ANO3: variants seen among roughly 807,000 people sequenced by gnomAD.
ANO3 encodes the protein anoctamin-3.
In ANO3, 99 loss-of-function variants were observed where a neutral mutation model predicts 144.8. That is an observed-to-expected ratio of 0.68 (90% confidence interval 0.58 to 0.81). The LOEUF (loss-of-function observed/expected upper bound fraction) is 0.81. ANO3 is among the 30% of genes least tolerant of loss of function. The pLI is 0.00. For synonymous variants in ANO3, 414 were observed against 392.6 expected (o/e 1.05, Z -0.64); for missense variants, 905 against 1,202.2 (o/e 0.75, Z 3.66).
intron 1 of ANO3, among the ~76,000 whole-genome samples, chr11:26,284,783 G>A (rs1853763680): frequency 6.6e-6 from 1 of 152,054 alleles, no homozygotes; most frequent in African/African-American, 2.4e-5. Flanking sequence ...GCGGGCGCCT[G>A]TAGTCCCAGC....
At chr11:26,431,084 C>A (rs1436138662) in intron 1 of ANO3, among the ~76,000 whole-genome samples, 1 of 152,176 alleles carries the variant, frequency 6.6e-6, no homozygotes, top group Non-Finnish European at 1.5e-5. Flanking sequence ...ATTGAATGAG[C>A]ACTTGAAATG....
intron 4 of ANO3, among the ~76,000 whole-genome samples, chr11:26,482,483 A>G (rs1860262665): frequency 6.7e-6 from 1 of 149,512 alleles, no homozygotes; most frequent in Admixed American, 6.7e-5. Context: ...TATCTTTAAA[A>G]AGTCCTACTT....
rs145292299 is a variant in ANO3, at chr11:26,533,513, G to A, written c.870-943G>A. Among the ~76,000 whole-genome samples the A allele has an allele frequency of 7.6e-4, 115 of 152,174 alleles. 2 individuals carry two copies. The East Asian group carries it at 0.02, about 26-fold the overall frequency. ...AAGAGTAGGTTGGAATGCGAGTACC[G>A]AGAGCCTTGGAGGAAAATAAGAAAT... On this transcript the variant is annotated intron_variant, in intron 8 of 26. Transcript: ENST00000256737.
chr11:26,611,220 G>T (rs73434387), intron 17 of ANO3, among the ~76,000 whole-genome samples: 4,174 of 151,866 alleles, frequency 0.027, 192 homozygotes, highest in African/African-American at 0.095. Context: ...AGGTTATTGG[G>T]AATCTTTGTT....
intron 1 of ANO3, among the ~76,000 whole-genome samples, chr11:26,334,982 G>T (rs958131652): frequency 6.6e-6 from 1 of 152,110 alleles, no homozygotes; most frequent in Non-Finnish European, 1.5e-5. Context: ...TTATATATGA[G>T]AACTATGTAT....
chr11:26,561,308 A>T (rs1162028883), intron 14 of ANO3: 1 of 967,256 alleles, frequency 1.0e-6, no homozygotes, highest in Admixed American at 3.6e-5. Flanking sequence ...TATAGGAATT[A>T]TTCTAGATGA....
At chr11:26,609,508 G>C (rs1403048293) in intron 17 of ANO3, among the ~76,000 whole-genome samples, 2 of 151,496 alleles carry the variant, frequency 1.3e-5, no homozygotes, top group South Asian at 4.2e-4. Context: ...TATCCTGCAG[G>C]TGCAGGATAT....
rs530740479 is a variant in ANO3, at chr11:26,292,999, C to T, written c.155-16646C>T. On this transcript the variant is annotated intron_variant, in intron 1 of 27. Transcript: ENST00000672621. ...CAGAAATCACCCATCTTCTGCGTCA[C>T]TCATGTTGGGAACTGTAGACTGGAG... Among the ~76,000 whole-genome samples the T allele has an allele frequency of 1.4e-3, 217 of 152,306 alleles. 1 individual carries two copies. Among genetic ancestry groups the T allele is most frequent in the African/African-American group, 5.0e-3 (207 of 41,566 alleles).
At chr11:26,564,270 G>A (rs993101849) in intron 14 of ANO3, among the ~76,000 whole-genome samples, 11 of 151,534 alleles carry the variant, frequency 7.3e-5, no homozygotes, top group East Asian at 3.9e-4. Flanking sequence ...TATATTGATA[G>A]TGGTATTATA....
Position 26,643,233 on chromosome 11 carries a change from CT to C in ANO3, c.2328del (p.Leu777PhefsTer5). On this transcript the variant is annotated frameshift_variant, in exon 23 of 27. Transcript: ENST00000256737. LOFTEE classifies it high-confidence loss of function. Reference sequence around the variant, plus strand: ...TTTGTTGCGGCTTTTCCTCTAGCCCCTCTTTTGGCTTTGTTAAACAATATCA... The same window carrying C: ...TTTGTTGCGGCTTTTCCTCTAGCCCCCTTTTGGCTTTGTTAAACAATATCA... ...TIFVAAFPLA[P>X]LLALLNNIIE... 6.2e-7 allele frequency: 1 copy of C among 1,614,172 alleles called. No individual in the cohort carries two copies. Among genetic ancestry groups the C allele is most frequent in the Non-Finnish European group, 8.5e-7 (1 of 1,180,012 alleles).
At chr11:26,424,428 C>A (rs749365629) in intron 1 of ANO3, among the ~76,000 whole-genome samples, 2 of 152,004 alleles carry the variant, frequency 1.3e-5, no homozygotes, top group Non-Finnish European at 2.9e-5. Context: ...TATGTATGCA[C>A]ATATTTATCT....
At chr11:26,382,679 A>C (rs1856621336) in intron 1 of ANO3, among the ~76,000 whole-genome samples, 1 of 152,134 alleles carries the variant, frequency 6.6e-6, no homozygotes, top group African/African-American at 2.4e-5. Flanking sequence ...GCAAGCTTAC[A>C]ACAGTGATGA....
chr11:26,591,183 A>C (rs543546729), intron 14 of ANO3, among the ~76,000 whole-genome samples: 11 of 152,240 alleles, frequency 7.2e-5, no homozygotes, highest in African/African-American at 2.2e-4. Flanking sequence ...TCAGCCTAGG[A>C]AATCCAGCTA....
intron 1 of ANO3, among the ~76,000 whole-genome samples, chr11:26,254,208 G>A (rs1406518823): frequency 6.6e-6 from 1 of 152,208 alleles, no homozygotes; most frequent in Admixed American, 6.5e-5. Flanking sequence ...GTCAAATTGT[G>A]CACTAAAGTA....
At chr11:26,479,222 T>C (rs908211699) in intron 4 of ANO3, among the ~76,000 whole-genome samples, 1 of 152,152 alleles carries the variant, frequency 6.6e-6, no homozygotes, top group Non-Finnish European at 1.5e-5. Context: ...AATTTTTTTG[T>C]TAGGAGAGGC....
chr11:26,314,155 G>A (rs186977451), intron 1 of ANO3, among the ~76,000 whole-genome samples: 47 of 152,154 alleles, frequency 3.1e-4, no homozygotes, highest in African/African-American at 8.0e-4. Context: ...GAAATTGCTC[G>A]CCAGCATGCC....
intron 1 of ANO3, among the ~76,000 whole-genome samples, chr11:26,270,711 G>T (rs193097045): frequency 2.0e-5 from 3 of 152,172 alleles, no homozygotes; most frequent in Admixed American, 1.3e-4. Context: ...TAAAGGAAAT[G>T]AGAAAAATAC....
intron 1 of ANO3, among the ~76,000 whole-genome samples, chr11:26,419,429 A>G (rs55683449): frequency 0.055 from 8,382 of 152,176 alleles, 277 homozygotes; most frequent in African/African-American, 0.09. Context: ...GTTCACTGCT[A>G]TTTCTCTATT....
intron 1 of ANO3, among the ~76,000 whole-genome samples, chr11:26,431,654 G>C (rs10767532): frequency 0.64 from 96,904 of 152,172 alleles, 33,540 homozygotes; most frequent in Admixed American, 0.79. Context: ...GTGATGTTTG[G>C]TTTTCTGTTC....
Sources: allele counts gnomAD v4.1 joint callset (sites outside exome capture counted in the v4.1 genomes callset), GRCh38; gene constraint gnomAD v4.1.1; transcripts MANE v1.5; gene names NCBI Gene and HGNC (gene_info 2026-07-23, HGNC 2026-07-21).